Variants in NTM observed in about 807,000 individuals in gnomAD.
NTM encodes neurotrimin.
Under a neutral mutation model 42.1 loss-of-function variants are expected in NTM, and 13 were observed. The ratio of observed to expected loss-of-function variants is 0.31; its 90% CI spans 0.20 to 0.49. The LOEUF is 0.49. NTM is among the 20% of genes least tolerant of loss of function. The pLI is 0.99. For missense variants in NTM, 373 were observed against 452.8 expected, an observed-to-expected ratio of 0.82 and a Z score of 1.60; for synonymous variants, 187 against 179.2, an observed-to-expected ratio of 1.04 and a Z score of -0.35.
At chr11:131,898,998 C>A (rs1165132096) in intron 1 of NTM, among the ~76,000 whole-genome samples, 1 of 152,150 alleles carries the variant, frequency 6.6e-6, no homozygotes, top group African/African-American at 2.4e-5. Flanking sequence ...TGCTTCCCAT[C>A]ACGCTCTAAA....
intron 1 of NTM, among the ~76,000 whole-genome samples, chr11:131,762,038 T>C (rs1220908568): frequency 1.3e-5 from 2 of 152,108 alleles, no homozygotes; most frequent in Non-Finnish European, 2.9e-5. Flanking sequence ...CCTTCAGAAC[T>C]ATAAGAAAAT....
intron 2 of NTM, among the ~76,000 whole-genome samples, chr11:131,996,215 T>C (rs942792028): frequency 6.6e-6 from 1 of 152,068 alleles, no homozygotes; most frequent in Admixed American, 6.5e-5. Context: ...TACAGGATGC[T>C]AAGGGTTGTG....
intron 2 of NTM, among the ~76,000 whole-genome samples, chr11:132,142,935 C>T (rs1359870208): frequency 3.9e-5 from 6 of 152,090 alleles, no homozygotes; most frequent in African/African-American, 1.2e-4. Flanking sequence ...TCGTGTTCAT[C>T]GGGAGGTTGT....
chr11:131,717,067 C>G (rs1415118773), intron 1 of NTM, among the ~76,000 whole-genome samples: 1 of 152,074 alleles, frequency 6.6e-6, no homozygotes, highest in Non-Finnish European at 1.5e-5. Flanking sequence ...TCTTGAACTC[C>G]TGGGTTCAAG....
intron 1 of NTM, among the ~76,000 whole-genome samples, chr11:131,806,205 C>T (rs2092473020): frequency 6.6e-6 from 1 of 152,162 alleles, no homozygotes; most frequent in South Asian, 2.1e-4. Context: ...CTAAGTGCAA[C>T]ATCTTTGAAG....
At chr11:131,550,722 G>C (rs936411217) in intron 1 of NTM, among the ~76,000 whole-genome samples, 1 of 151,850 alleles carries the variant, frequency 6.6e-6, no homozygotes, top group Admixed American at 6.6e-5. Flanking sequence ...AATACACCTA[G>C]CTATTCCAGA....
intron 1 of NTM, among the ~76,000 whole-genome samples, chr11:131,808,986 GA>G (rs1288204618): frequency 1.3e-5 from 2 of 152,212 alleles, no homozygotes; most frequent in African/African-American, 4.8e-5. Flanking sequence ...ATGCTAATGT[GA>G]ATAGAAATGT....
At chr11:131,809,474 G>C (rs939283131) in intron 1 of NTM, among the ~76,000 whole-genome samples, 3 of 152,158 alleles carry the variant, frequency 2.0e-5, no homozygotes, top group Non-Finnish European at 4.4e-5. Flanking sequence ...CCCCGGTGAG[G>C]CCACCCGTAT....
At chr11:131,817,776 A>G (rs1165283275) in intron 1 of NTM, among the ~76,000 whole-genome samples, 1 of 152,226 alleles carries the variant, frequency 6.6e-6, no homozygotes, top group African/African-American at 2.4e-5. Flanking sequence ...TTGGCAACAC[A>G]TCCCAATTAA....
chr11:131,554,013 T>A (rs890197876), intron 1 of NTM, among the ~76,000 whole-genome samples: 6 of 152,222 alleles, frequency 3.9e-5, no homozygotes, highest in African/African-American at 1.4e-4. Context: ...CCCACTCATT[T>A]ATCAACTGTT....
At chr11:131,937,776 G>A (rs893103775) in intron 2 of NTM, among the ~76,000 whole-genome samples, 2 of 152,030 alleles carry the variant, frequency 1.3e-5, no homozygotes, top group African/African-American at 4.8e-5. Flanking sequence ...TAGAAAGCTG[G>A]CCCCATGTTA....
At chr11:131,634,659 G>A (rs997752134) in intron 1 of NTM, among the ~76,000 whole-genome samples, 1 of 151,000 alleles carries the variant, frequency 6.6e-6, no homozygotes, top group Admixed American at 6.6e-5. Flanking sequence ...AAAAAAGAGT[G>A]AGCTTCTTTA....
intron 3 of NTM, among the ~76,000 whole-genome samples, chr11:132,172,958 T>C (rs1211729927): frequency 6.6e-6 from 1 of 152,230 alleles, no homozygotes; most frequent in Admixed American, 6.5e-5. Context: ...TCAATTGTAA[T>C]ACCAAAGGAC....
intron 2 of NTM, among the ~76,000 whole-genome samples, chr11:131,964,121 G>A (rs1182090352): frequency 6.6e-6 from 1 of 152,160 alleles, no homozygotes; most frequent in African/African-American, 2.4e-5. Context: ...CCCAGAAGAA[G>A]AGATATCTAA....
intron 1 of NTM, among the ~76,000 whole-genome samples, chr11:131,490,580 C>A (rs1954671633): frequency 6.6e-6 from 1 of 152,152 alleles, no homozygotes; most frequent in South Asian, 2.1e-4. Flanking sequence ...AAGGCCTTAT[C>A]TGCTTATGTT....
chr11:132,153,616 G>A (rs2072489008), intron 3 of NTM, among the ~76,000 whole-genome samples: 1 of 152,168 alleles, frequency 6.6e-6, no homozygotes, highest in Non-Finnish European at 1.5e-5. Context: ...GATTCTGGTT[G>A]TTCCTCTCTT....
chr11:132,196,199 G>T (rs1460244480), intron 3 of NTM, among the ~76,000 whole-genome samples: 3 of 152,068 alleles, frequency 2.0e-5, no homozygotes, highest in Non-Finnish European at 4.4e-5. Context: ...GGAAAAAAAA[G>T]CTCATGATCG....
At chr11:131,617,226 G>A (rs1443738993) in intron 1 of NTM, among the ~76,000 whole-genome samples, 1 of 152,100 alleles carries the variant, frequency 6.6e-6, no homozygotes, top group Non-Finnish European at 1.5e-5. Flanking sequence ...TGCTGAGAGT[G>A]GAGGGCTGCA....
chr11:132,184,981 A>G (rs1817402508), intron 3 of NTM, among the ~76,000 whole-genome samples: 1 of 152,150 alleles, frequency 6.6e-6, no homozygotes, highest in Non-Finnish European at 1.5e-5. Flanking sequence ...GTACTCTGCC[A>G]CAGCACGCTG....
Sources: allele counts gnomAD v4.1 joint callset (sites outside exome capture counted in the v4.1 genomes callset), GRCh38; gene constraint gnomAD v4.1.1; transcripts MANE v1.5; gene names NCBI Gene and HGNC (gene_info 2026-07-23, HGNC 2026-07-21).